Variants in IFT88 observed in about 807,000 individuals in gnomAD.
The protein encoded by IFT88 is intraflagellar transport protein 88 homolog.
A neutral mutation model predicts 119.5 loss-of-function variants in IFT88; 74 were observed. That is an observed-to-expected ratio of 0.62 (90% confidence interval 0.51 to 0.75). The LOEUF is 0.75. Ranked by LOEUF, IFT88 falls within the 30% of genes least tolerant of loss-of-function variation. IFT88 has a pLI of 0.00. For synonymous variants in IFT88, 279 were observed against 316.7 expected (o/e 0.88, Z 1.26); for missense variants, 961 against 977.7 (o/e 0.98, Z 0.23).
chr13:20,606,247 C>T (rs1378082341), intron 13 of IFT88, among the ~76,000 whole-genome samples: 2 of 152,094 alleles, frequency 1.3e-5, no homozygotes, highest in Non-Finnish European at 2.9e-5. Context: ...ACTGAAGCAT[C>T]CCCCAACCCT....
chr13:20,567,276 G>T lies in IFT88; in HGVS notation c.-7+20G>T, dbSNP rs1349324914. ...CGTGAGGTAGGAGAAGGGCGCTGGG[G>T]CCTAGTGCCTCAGGGCCCCTGGCAG... On this transcript the variant is annotated intron_variant, in intron 1 of 25. Transcript: ENST00000351808. The T allele has an allele frequency of 6.6e-6, 1 of 152,260 alleles. No homozygotes were observed. The highest frequency in any genetic ancestry group is 1.5e-5 in the Non-Finnish European group (1 of 68,072). The allele number at this position is 152,260 out of a possible 1,614,324, so 9.4% of individuals were successfully genotyped here.
At chr13:20,643,363 G>A (rs535843742) in intron 18 of IFT88, 92 bp from the exon 19 acceptor site, 1 of 966,936 alleles carries the variant, frequency 1.0e-6, no homozygotes, top group Admixed American at 2.4e-5. Flanking sequence ...ATTACTGTAG[G>A]CTAAGAAATA....
rs566276765 is a variant in IFT88 at position 20,601,945 on chromosome 13, A to G, written c.1041+12A>G. 1.5e-5 allele frequency: 22 copies of G among 1,448,962 alleles called. No homozygotes were observed. In the African/African-American group the frequency reaches 2.1e-4, roughly 14 times the overall value. 89.8% of individuals were successfully genotyped at this position (1,448,962 alleles called of 1,614,324 possible). A position where few individuals can be genotyped will look rare whatever the true frequency, so the allele number is the denominator to read the frequency against. On this transcript the variant is annotated intron_variant, in intron 12 of 25. Coordinates refer to ENST00000351808, the MANE Select transcript of IFT88 (RefSeq NM_006531.5). ...ATATTTCACCAAGTGTGAGTATGAAAAAGACATTTCTGTAGCCACTTCCCA... is the reference window on the plus strand; with the variant it reads ...ATATTTCACCAAGTGTGAGTATGAAGAAGACATTTCTGTAGCCACTTCCCA...
intron 11 of IFT88, among the ~76,000 whole-genome samples, chr13:20,600,835 A>G (rs2042470680): frequency 6.6e-6 from 1 of 152,250 alleles, no homozygotes; most frequent in Non-Finnish European, 1.5e-5. Context: ...AATTATTCAT[A>G]ATAGCCAAAA....
chr13:20,670,523 CTTTTTT>C (rs56143632), intron 23 of IFT88, among the ~76,000 whole-genome samples: 2 of 94,980 alleles, frequency 2.1e-5, no homozygotes, highest in African/African-American at 7.8e-5. Context: ...CTCAGCTTAC[CTTTTTT>C]TTTTTTTTTT....
intron 1 of IFT88, among the ~76,000 whole-genome samples, chr13:20,570,410 A>G (rs2036096305): frequency 6.6e-6 from 1 of 152,218 alleles, no homozygotes; most frequent in Non-Finnish European, 1.5e-5. Flanking sequence ...ATGCATGCTA[A>G]AACTTGTACA....
intron 4 of IFT88, among the ~76,000 whole-genome samples, chr13:20,590,644 T>C (rs917469837): frequency 6.6e-6 from 1 of 152,178 alleles, no homozygotes; most frequent in Non-Finnish European, 1.5e-5. Flanking sequence ...AAGGGCTAGA[T>C]ATTTTAGGCT....
chr13:20,626,265 T>C (rs2047316973), intron 15 of IFT88, among the ~76,000 whole-genome samples: 1 of 152,006 alleles, frequency 6.6e-6, no homozygotes, highest in Non-Finnish European at 1.5e-5. Flanking sequence ...TTTCACCGTG[T>C]TAGCCAGGAT....
chr13:20,592,905 A>G (rs2040949497), intron 7 of IFT88, among the ~76,000 whole-genome samples: 2 of 151,528 alleles, frequency 1.3e-5, no homozygotes, highest in South Asian at 4.2e-4. Flanking sequence ...AGTTGCCAGA[A>G]CTAACAAAAT....
chr13:20,583,058 T>C (rs748998904), intron 3 of IFT88, 39 bp downstream of exon 3: 1 of 1,254,150 alleles, frequency 8.0e-7, no homozygotes, highest in Non-Finnish European at 1.2e-6. Context: ...TGGTAAAAAA[T>C]ACATAACATG....
At chr13:20,571,961 T>A (rs1160616657) in intron 1 of IFT88, among the ~76,000 whole-genome samples, 1 of 152,184 alleles carries the variant, frequency 6.6e-6, no homozygotes, top group African/African-American at 2.4e-5. Context: ...TTGACTCTGT[T>A]TTAGTTGGGT....
At chr13:20,607,453 C>T (rs1338658099) in intron 13 of IFT88, 6 of 667,134 alleles carry the variant, frequency 9.0e-6, no homozygotes, top group South Asian at 3.1e-5. Context: ...ACTTGTCACT[C>T]ATCCCCATCA....
At chr13:20,615,613 G>A (rs984061357) in intron 13 of IFT88, among the ~76,000 whole-genome samples, 180 bp from the exon 14 acceptor site, 1 of 152,090 alleles carries the variant, frequency 6.6e-6, no homozygotes, top group African/African-American at 2.4e-5. Context: ...TGCTAATTAC[G>A]TTTCCTAGTC....
At chr13:20,600,863 T>C (rs543149604) in intron 11 of IFT88, among the ~76,000 whole-genome samples, 1 of 152,340 alleles carries the variant, frequency 6.6e-6, no homozygotes, top group South Asian at 2.1e-4. Flanking sequence ...ACAAGACGAA[T>C]GTCTACCAAG....
intron 20 of IFT88, among the ~76,000 whole-genome samples, chr13:20,650,471 C>T (rs534694582): frequency 1.3e-5 from 2 of 152,230 alleles, no homozygotes; most frequent in South Asian, 4.1e-4. Flanking sequence ...ACTTCCTTAA[C>T]GTGTTAAAGT....
intron 20 of IFT88, among the ~76,000 whole-genome samples, chr13:20,652,412 G>A (rs994046004): frequency 1.6e-4 from 25 of 151,954 alleles, no homozygotes; most frequent in Admixed American, 1.3e-4. Flanking sequence ...TGAGACAGGC[G>A]GATCGCTTGA....
chr13:20,578,558 T>C (rs1249739582), intron 2 of IFT88, among the ~76,000 whole-genome samples: 1 of 151,908 alleles, frequency 6.6e-6, no homozygotes, highest in African/African-American at 2.4e-5. Context: ...GTTGTAGTTG[T>C]TGTTGTTTGA....
At chr13:20,666,081 G>A (rs1026901406) in intron 23 of IFT88, among the ~76,000 whole-genome samples, 1 of 152,146 alleles carries the variant, frequency 6.6e-6, no homozygotes, top group African/African-American at 2.4e-5. Flanking sequence ...TTGTTCCATA[G>A]AACCGAAACC....
chr13:20,620,197 AT>A (rs937764293), intron 14 of IFT88, among the ~76,000 whole-genome samples: 6 of 150,446 alleles, frequency 4.0e-5, no homozygotes, highest in African/African-American at 1.2e-4. Context: ...TAAGGTCAAG[AT>A]TTTTTTTTTC....
Sources: allele counts gnomAD v4.1 joint callset (sites outside exome capture counted in the v4.1 genomes callset), GRCh38; gene constraint gnomAD v4.1.1; transcripts MANE v1.5; gene names NCBI Gene and HGNC (gene_info 2026-07-23, HGNC 2026-07-21).